The following SDK2 variants were observed in gnomAD, a reference collection of about 807,000 sequenced individuals.
SDK2 encodes protein sidekick-2.
A neutral mutation model predicts 253.9 loss-of-function variants in SDK2; 105 were observed. The observed-to-expected ratio is 0.41, with a 90% CI of 0.35 to 0.49. The LOEUF is 0.49. Among genes scored for constraint, SDK2 ranks in the 20% least tolerant of loss-of-function variants. The pLI is 0.06. For synonymous variants in SDK2, 1,249 were observed against 1,234.9 expected (o/e 1.01, Z -0.24); for missense variants, 2,608 against 3,003.0 (o/e 0.87, Z 3.07).
chr17:73,386,802 C>T (rs1020804958), intron 30 of SDK2, among the ~76,000 whole-genome samples: 3 of 152,240 alleles, frequency 2.0e-5, no homozygotes, highest in African/African-American at 7.2e-5. Flanking sequence ...CCTTTAGCCC[C>T]AGTTGTAAGC....
intron 27 of SDK2, among the ~76,000 whole-genome samples, chr17:73,392,218 A>G (rs1457857596): frequency 8.8e-3 from 12 of 1,366 alleles, no homozygotes; most frequent in Admixed American, 0.06. Context: ...GGGGAGGGGC[A>G]CTCTTCTGTG....
intron 1 of SDK2, chr17:73,517,677 A>T (rs953641814): frequency 6.6e-6 from 1 of 152,242 alleles, no homozygotes; most frequent in African/African-American, 2.4e-5. Flanking sequence ...GTGCTTTGTC[A>T]TGGCAGCCCA....
chr17:73,358,048 TG>T, intron 40 of SDK2, 30 bp downstream of exon 40: 1 of 1,612,648 alleles, frequency 6.2e-7, no homozygotes, highest in Non-Finnish European at 8.5e-7. Context: ...TAATGAGCTG[TG>T]GGGTCTCAGC....
chr17:73,466,493 C>T (rs897667971), intron 3 of SDK2, among the ~76,000 whole-genome samples: 2 of 152,122 alleles, frequency 1.3e-5, no homozygotes, highest in African/African-American at 2.4e-5. Flanking sequence ...GCTGGGGCCA[C>T]GGTTACACCC....
rs1319912201 is a variant in SDK2 at position 73,433,877 on chromosome 17, C to T, written c.1196-29G>A. The T allele has an allele frequency of 9.0e-6, 13 of 1,444,414 alleles. No individual in the cohort carries two copies. The South Asian group carries it at 1.7e-4, about 19-fold the overall frequency. The allele number at this position is 1,444,414 out of a possible 1,614,324, so 89.5% of individuals were successfully genotyped here. A position where few individuals can be genotyped will look rare whatever the true frequency, so the allele number is the denominator to read the frequency against. On this transcript the variant is annotated intron_variant, in intron 9 of 44. Coordinates refer to ENST00000392650, the MANE Select transcript of SDK2 (RefSeq NM_001144952.2). ...CAAACAGAGAAGTGGGGCCTTTTAG[C>T]CACACCCTGGGAGATGTCCCCCAAG...
At chr17:73,405,504 ATATAT>A (rs1568385735) in intron 18 of SDK2, among the ~76,000 whole-genome samples, 5 of 88,796 alleles carry the variant, frequency 5.6e-5, no homozygotes, top group African/African-American at 1.3e-4. Flanking sequence ...ATATATATAT[ATATAT>A]ATATATATAA....
chr17:73,385,807 T>C (rs1245427320), intron 32 of SDK2, 40 bp downstream of exon 32: 1 of 1,554,130 alleles, frequency 6.4e-7, no homozygotes, highest in Non-Finnish European at 8.8e-7. Context: ...GCAGAGCTCG[T>C]CTGGGTCTTC....
At chr17:73,357,834 G>A (rs1475340404) in intron 40 of SDK2, 1 of 628,902 alleles carries the variant, frequency 1.6e-6, no homozygotes, top group Non-Finnish European at 2.8e-6. Flanking sequence ...CTCAACCCAA[G>A]CTGGTCCTCA....
chr17:73,415,774 C>G (rs1274850979), intron 17 of SDK2, 37 bp downstream of exon 17: 1 of 1,526,868 alleles, frequency 6.5e-7, no homozygotes, highest in Admixed American at 2.0e-5. Context: ...CACGCATGAG[C>G]CACCGCGCCT....
At chr17:73,574,051 G>A (rs2045423995) in intron 1 of SDK2, among the ~76,000 whole-genome samples, 1 of 152,108 alleles carries the variant, frequency 6.6e-6, no homozygotes, top group Admixed American at 6.5e-5. Context: ...TGACACTACC[G>A]CTCACATCTA....
At chr17:73,480,468 C>T (rs1336693779) in intron 2 of SDK2, among the ~76,000 whole-genome samples, 1 of 152,134 alleles carries the variant, frequency 6.6e-6, no homozygotes, top group Non-Finnish European at 1.5e-5. Context: ...GCTTGGGCAG[C>T]CCCTTTAGTG....
At chr17:73,376,173 G>A (rs1027047929) in intron 36 of SDK2, among the ~76,000 whole-genome samples, 11 of 150,748 alleles carry the variant, frequency 7.3e-5, no homozygotes, top group African/African-American at 2.7e-4. Flanking sequence ...CAGCCTGGCG[G>A]CAGAGCAAGA....
chr17:73,590,333 C>T (rs2045664378), intron 1 of SDK2, among the ~76,000 whole-genome samples: 2 of 152,218 alleles, frequency 1.3e-5, no homozygotes, highest in Non-Finnish European at 2.9e-5. Context: ...ACCAGCACCT[C>T]CTTCCCCGGC....
In SDK2 at chr17:73,386,533, C is replaced by A. The variant is rs371894396; in HGVS notation, c.4410G>T (p.Thr1470=). 6.4e-7 allele frequency: 1 copy of A among 1,556,532 alleles called. No individual in the cohort carries two copies. The highest frequency in any genetic ancestry group is 1.2e-5 in the South Asian group (1 of 84,294). ...TCGCCTTCACTCGGAACTTGTAGGACGTGAAGGGCTTCAGCCTGTAGGGAG... is the reference window on the plus strand; with the variant it reads ...TCGCCTTCACTCGGAACTTGTAGGAAGTGAAGGGCTTCAGCCTGTAGGGAG... ...SFIVDRLKPF[T]SYKFRVKATN... The change falls in exon 31 of 45, where the codon ACG becomes ACT. Residue 1470 remains threonine (T), a synonymous_variant. Transcript: ENST00000392650.
Position 73,447,544 on chromosome 17 carries a change from A to T in SDK2, c.613+71T>A, listed in dbSNP as rs1016485246. 7 of 1,531,118 alleles carry T rather than the reference A, an allele frequency of 4.6e-6. No homozygotes were observed. The highest frequency in any genetic ancestry group is 5.3e-6 in the Non-Finnish European group (6 of 1,130,970). The allele number at this position is 1,531,118 out of a possible 1,614,324, so 94.8% of individuals were successfully genotyped here. On this transcript the variant is annotated intron_variant, in intron 5 of 44. Coordinates refer to ENST00000392650, the MANE Select transcript of SDK2 (RefSeq NM_001144952.2). This position sits in a 1 kb window ranked among gnomAD's most constrained non-coding sequence, Gnocchi z 4.0. ...CCTCTGCCACTCCATCTTCCCAATG[A>T]TCCCCTGGAGCACCATTGCTAAGAT... is the stretch of plus-strand genomic sequence containing the variant.
intron 36 of SDK2, among the ~76,000 whole-genome samples, chr17:73,376,855 C>G (rs539271323): frequency 1.3e-5 from 2 of 152,200 alleles, no homozygotes; most frequent in African/African-American, 4.8e-5. Flanking sequence ...TGGCAACATG[C>G]CTTTCCTCCT....
At chr17:73,351,052 T>A (rs1188278269) in intron 41 of SDK2, among the ~76,000 whole-genome samples, 2 of 151,812 alleles carry the variant, frequency 1.3e-5, no homozygotes, top group Non-Finnish European at 2.9e-5. Context: ...TAAGATTGAT[T>A]AGTGATGTCT....
At position 73,368,626 on chromosome 17, in the gene SDK2, G is replaced by C. The variant is rs371174284; in HGVS notation, c.4981-33C>G. On this transcript the variant is annotated intron_variant, in intron 36 of 44. Coordinates refer to ENST00000392650, the MANE Select transcript of SDK2 (RefSeq NM_001144952.2). The stretch of plus-strand genomic sequence containing the variant: ...AACAGAAGGATGTGGGAGTGAGGGG[G>C]ACAGGGGCAATGAGAGTCCCTCCTG... The C allele has an allele frequency of 2.2e-5, 33 of 1,502,218 alleles. No homozygotes were observed. The African/African-American group carries it at 4.6e-4, about 21-fold the overall frequency. The allele number at this position is 1,502,218 out of a possible 1,614,324, so 93.1% of individuals were successfully genotyped here.
At chr17:73,350,545 G>A in intron 42 of SDK2, 105 bp downstream of exon 42, 5 of 1,421,900 alleles carry the variant, frequency 3.5e-6, no homozygotes, top group Non-Finnish European at 4.7e-6. Context: ...CAGAGCAGGT[G>A]CGCTGCCAGG....
Sources: gnomAD v4.1 joint callset for allele counts (sites outside exome capture counted in the v4.1 genomes callset) on GRCh38, gnomAD v4.1.1 for gene constraint, Gnocchi (gnomAD v3.1) non-coding constraint, MANE v1.5 for transcripts, NCBI Gene and HGNC (gene_info 2026-07-23, HGNC 2026-07-21) for gene names.